Variants in ASIC2 observed in about 807,000 individuals in gnomAD.
ASIC2 encodes acid sensing ion channel subunit 2.
In ASIC2, 25 loss-of-function variants were observed where a neutral mutation model predicts 57.3. The observed-to-expected ratio is 0.44, with a 90% CI of 0.32 to 0.61. ASIC2 has a LOEUF of 0.61. Ranked by LOEUF, ASIC2 falls within the 20% of genes least tolerant of loss-of-function variation. ASIC2 has a pLI of 0.06. For missense variants in ASIC2, 641 were observed against 738.1 expected (o/e 0.87, Z 1.52); for synonymous variants, 319 against 307.5 (o/e 1.04, Z -0.39).
chr17:33,073,325 A>G (rs558833776), intron 3 of ASIC2, among the ~76,000 whole-genome samples: 2 of 152,340 alleles, frequency 1.3e-5, no homozygotes, highest in African/African-American at 4.8e-5. Flanking sequence ...CTTGGTTACC[A>G]AAAGTTCTGT....
chr17:33,949,455 T>C (rs1904490548), intron 1 of ASIC2, among the ~76,000 whole-genome samples: 2 of 152,200 alleles, frequency 1.3e-5, no homozygotes, highest in African/African-American at 2.4e-5. Flanking sequence ...CCACAATAAA[T>C]GACTGTGCTT....
intron 1 of ASIC2, chr17:33,834,020 G>A (rs980830427): frequency 6.6e-6 from 1 of 152,230 alleles, no homozygotes; most frequent in African/African-American, 2.4e-5. Flanking sequence ...TCGTGATCAT[G>A]CCACTGCACT....
chr17:33,228,595 G>T (rs1223099525), intron 1 of ASIC2, among the ~76,000 whole-genome samples: 1 of 152,258 alleles, frequency 6.6e-6, no homozygotes, highest in Non-Finnish European at 1.5e-5. Context: ...CCAACAAGAA[G>T]TCAAGTCAGT....
intron 1 of ASIC2, among the ~76,000 whole-genome samples, chr17:33,847,226 T>C (rs907780145): frequency 6.6e-6 from 1 of 151,784 alleles, no homozygotes; most frequent in Non-Finnish European, 1.5e-5. Flanking sequence ...ACCATTGCTG[T>C]GCGTTTTGGG....
At chr17:33,202,446 T>C (rs974007057) in intron 1 of ASIC2, among the ~76,000 whole-genome samples, 19 of 152,150 alleles carry the variant, frequency 1.2e-4, no homozygotes, top group African/African-American at 4.6e-4. Context: ...AAGCAGTGTG[T>C]GTAGGGCTCA....
At chr17:33,344,755 A>T (rs941577808) in intron 1 of ASIC2, among the ~76,000 whole-genome samples, 1 of 152,046 alleles carries the variant, frequency 6.6e-6, no homozygotes, top group African/African-American at 2.4e-5. Flanking sequence ...CACTACTTTA[A>T]GAATGTATAT....
intron 3 of ASIC2, among the ~76,000 whole-genome samples, chr17:33,084,591 A>G (rs2092127233): frequency 6.6e-6 from 1 of 152,222 alleles, no homozygotes; most frequent in Non-Finnish European, 1.5e-5. Context: ...CAAAGTGGAG[A>G]TATCAGAACC....
chr17:33,225,907 C>T (rs1365961046), intron 1 of ASIC2, among the ~76,000 whole-genome samples: 1 of 152,228 alleles, frequency 6.6e-6, no homozygotes, highest in Admixed American at 6.5e-5. Flanking sequence ...TTCCTACCAT[C>T]ATCACATTAG....
intron 1 of ASIC2, among the ~76,000 whole-genome samples, chr17:33,361,361 G>A (rs1425349863): frequency 6.6e-6 from 1 of 152,218 alleles, no homozygotes; most frequent in African/African-American, 2.4e-5. Context: ...GCAGAGTGAC[G>A]AGAAGTGGCT....
intron 1 of ASIC2, among the ~76,000 whole-genome samples, chr17:33,475,275 C>T (rs1913182673): frequency 7.2e-6 from 1 of 139,282 alleles, no homozygotes; most frequent in Admixed American, 7.4e-5. Context: ...TGAAATTTTA[C>T]CATATTTGTT....
intron 1 of ASIC2, among the ~76,000 whole-genome samples, chr17:33,829,078 G>A (rs1002396364): frequency 6.6e-6 from 1 of 152,296 alleles, no homozygotes; most frequent in Non-Finnish European, 1.5e-5. Context: ...ACTAGTTTCC[G>A]TTGATAGGTT....
chr17:33,886,935 AAAAC>A (rs143568954), intron 1 of ASIC2, among the ~76,000 whole-genome samples: 2 of 105,324 alleles, frequency 1.9e-5, no homozygotes, highest in Non-Finnish European at 2.0e-5. Flanking sequence ...CCAAAGGCAG[AAAAC>A]AAACAAACAA....
chr17:34,014,568 G>A (rs73278473), intron 1 of ASIC2, among the ~76,000 whole-genome samples: 53 of 152,294 alleles, frequency 3.5e-4, no homozygotes, highest in African/African-American at 1.3e-3. Flanking sequence ...AGACACCTAG[G>A]TGCAAGGCCC....
intron 1 of ASIC2, among the ~76,000 whole-genome samples, chr17:33,395,284 A>G (rs771187843): frequency 7.9e-5 from 12 of 152,036 alleles, no homozygotes; most frequent in Non-Finnish European, 1.3e-4. Flanking sequence ...CATAACCGAG[A>G]CGGGCAATTT....
At chr17:33,134,917 A>G (rs114546085) in intron 1 of ASIC2, among the ~76,000 whole-genome samples, 3 of 152,220 alleles carry the variant, frequency 2.0e-5, no homozygotes, top group African/African-American at 7.2e-5. Flanking sequence ...ACCAGCATCA[A>G]CTAAGTCAGA....
chr17:33,348,733 A>G (rs1289746653), intron 1 of ASIC2, among the ~76,000 whole-genome samples: 1 of 152,168 alleles, frequency 6.6e-6, no homozygotes, highest in East Asian at 1.9e-4. Context: ...TGGGCCTGTG[A>G]GTCCCTTGGG....
chr17:33,718,194 T>A (rs1945376094), intron 1 of ASIC2, among the ~76,000 whole-genome samples: 1 of 152,226 alleles, frequency 6.6e-6, no homozygotes, highest in Admixed American at 6.5e-5. Flanking sequence ...TTAGCCCTAA[T>A]ACAATGTAAA....
At chr17:33,046,223 G>A (rs1484332928) in intron 3 of ASIC2, among the ~76,000 whole-genome samples, 2 of 152,206 alleles carry the variant, frequency 1.3e-5, no homozygotes, top group African/African-American at 4.8e-5. Context: ...TTGGGGTGGG[G>A]TCAGGAGTGC....
chr17:33,631,693 A>T (rs893775851), intron 1 of ASIC2, among the ~76,000 whole-genome samples: 14 of 152,106 alleles, frequency 9.2e-5, no homozygotes, highest in Admixed American at 9.2e-4. Flanking sequence ...GTGGAAGGAA[A>T]TGAAGGGGAA....
Sources: allele counts gnomAD v4.1 joint callset (sites outside exome capture counted in the v4.1 genomes callset), GRCh38; gene constraint gnomAD v4.1.1; transcripts MANE v1.5; gene names NCBI Gene and HGNC (gene_info 2026-07-23, HGNC 2026-07-21).